The following PRKN variants were observed in gnomAD, a reference collection of about 807,000 sequenced individuals.
PRKN encodes the protein parkin RBR E3 ubiquitin protein ligase.
In PRKN, 56 loss-of-function variants were observed where a neutral mutation model predicts 59.5. The ratio of observed to expected loss-of-function variants is 0.94; its 90% CI spans 0.76 to 1.18. The LOEUF (loss-of-function observed/expected upper bound fraction) is 1.18. Among genes scored for constraint, PRKN ranks in the 50% most tolerant of loss-of-function variants. The pLI is 0.00. For synonymous variants in PRKN, 250 were observed against 222.1 expected (o/e 1.13, Z -1.12); for missense variants, 657 against 596.4 (o/e 1.10, Z -1.06).
intron 7 of PRKN, among the ~76,000 whole-genome samples, chr6:161,631,191 T>C (rs1481443502): frequency 6.6e-6 from 1 of 152,242 alleles, no homozygotes; most frequent in Non-Finnish European, 1.5e-5. Context: ...ATGCATGAGC[T>C]AGTGCTTACT....
chr6:162,683,023 C>T (rs542904721), intron 1 of PRKN, among the ~76,000 whole-genome samples: 2 of 152,170 alleles, frequency 1.3e-5, no homozygotes, highest in East Asian at 1.9e-4. Flanking sequence ...ATTGGAGCAA[C>T]GACATTACAA....
At chr6:162,536,603 C>A (rs918877319) in intron 1 of PRKN, among the ~76,000 whole-genome samples, 1 of 42,524 alleles carries the variant, frequency 2.4e-5, no homozygotes, top group East Asian at 2.1e-4. Flanking sequence ...CCTCTCATTG[C>A]CATCGATGCT....
intron 6 of PRKN, among the ~76,000 whole-genome samples, chr6:161,855,226 G>A (rs1793604581): frequency 6.6e-6 from 1 of 152,150 alleles, no homozygotes; most frequent in Non-Finnish European, 1.5e-5. Flanking sequence ...GATGATCAGG[G>A]TGGGGTTTTG....
chr6:162,700,082 C>T (rs1399451180), intron 1 of PRKN, among the ~76,000 whole-genome samples: 3 of 152,148 alleles, frequency 2.0e-5, no homozygotes, highest in African/African-American at 7.2e-5. Context: ...GTACACCCCA[C>T]AAAATTGCCT....
intron 7 of PRKN, among the ~76,000 whole-genome samples, chr6:161,601,585 AT>A (rs200244232): frequency 0.019 from 2,657 of 140,666 alleles, 43 homozygotes; most frequent in East Asian, 0.081. Context: ...AATATAGTGG[AT>A]TTTTTTTTTT....
intron 1 of PRKN, among the ~76,000 whole-genome samples, chr6:162,594,676 TGTTA>T (rs71793456): frequency 0.055 from 8,434 of 152,282 alleles, 340 homozygotes; most frequent in East Asian, 0.23. Context: ...CCAAGTTCAC[TGTTA>T]GTTACAGAAT....
intron 7 of PRKN, among the ~76,000 whole-genome samples, chr6:161,780,573 A>C (rs2128205622): frequency 6.6e-6 from 1 of 152,338 alleles, no homozygotes; most frequent in African/African-American, 2.4e-5. Flanking sequence ...CATTTTAATT[A>C]AATTAACCCT....
intron 2 of PRKN, among the ~76,000 whole-genome samples, chr6:162,358,359 A>G (rs1230869927): frequency 6.6e-6 from 1 of 152,208 alleles, no homozygotes; most frequent in Non-Finnish European, 1.5e-5. Flanking sequence ...CAATCAAAAT[A>G]TTTCCACAAT....
intron 9 of PRKN, among the ~76,000 whole-genome samples, chr6:161,509,200 CTTTT>C (rs10578350): frequency 6.7e-6 from 1 of 149,540 alleles, no homozygotes; most frequent in Non-Finnish European, 1.5e-5. Flanking sequence ...AAAGACTTTT[CTTTT>C]TTTTTTTTTT....
At chr6:161,713,899 G>A (rs1786857801) in intron 7 of PRKN, among the ~76,000 whole-genome samples, 1 of 152,094 alleles carries the variant, frequency 6.6e-6, no homozygotes, top group African/African-American at 2.4e-5. Flanking sequence ...CATGAGATCT[G>A]ATGGTTCTAT....
intron 5 of PRKN, among the ~76,000 whole-genome samples, chr6:162,049,443 T>C (rs912649522): frequency 7.9e-5 from 12 of 152,164 alleles, no homozygotes; most frequent in African/African-American, 2.2e-4. Flanking sequence ...ACTGAACACT[T>C]AACTTGAGCT....
In PRKN at chr6:161,369,829, C is replaced by T. The variant is rs963158396; in HGVS notation, c.1168-9624G>A. ...TCATATGATTATAGGAAATATATTT[C>T]ATATACATATAGAGAGAGACAGAGA... is the stretch of plus-strand genomic sequence containing the variant. On this transcript the variant is annotated intron_variant, in intron 10 of 11. Coordinates refer to ENST00000366898, the MANE Select transcript of PRKN (RefSeq NM_004562.3). This position sits in a 1 kb window ranked among gnomAD's most constrained non-coding sequence, Gnocchi z 5.8. 1.5e-5 allele frequency: 3 copies of T among 204,988 alleles called. No homozygotes were observed. The highest frequency in any genetic ancestry group is 2.2e-5 in the African/African-American group (1 of 44,716). 12.7% of individuals were successfully genotyped at this position (204,988 alleles called of 1,614,324 possible).
chr6:162,050,993 C>T (rs2187198), intron 5 of PRKN, among the ~76,000 whole-genome samples: 73,125 of 151,620 alleles, frequency 0.48, 18,250 homozygotes, highest in Middle Eastern at 0.55. Flanking sequence ...AGAAAATTCA[C>T]GAGGCAAGTC....
intron 2 of PRKN, among the ~76,000 whole-genome samples, chr6:162,349,109 T>C (rs1021207040): frequency 4.6e-5 from 7 of 152,198 alleles, no homozygotes. Flanking sequence ...AACCTTTCAG[T>C]GAATTCTAGC....
chr6:162,169,564 C>T (rs1407058365), intron 4 of PRKN, among the ~76,000 whole-genome samples: 1 of 152,160 alleles, frequency 6.6e-6, no homozygotes, highest in African/African-American at 2.4e-5. Flanking sequence ...ACCTCATAGA[C>T]AAGTTTTAGC....
rs985614051 is a variant in PRKN, at chr6:161,526,682, C to T, written c.1083+22172G>A. On this transcript the variant is annotated intron_variant, in intron 9 of 11. Transcript: ENST00000366898. The surrounding 1 kb of genome is among the most constrained non-coding windows in gnomAD (Gnocchi z 4.1). ...ATAATTTTACATTTACTCATCCATT[C>T]ATTTGCAAATGTTTGCTAAGCACTG... Among the ~76,000 whole-genome samples the T allele has an allele frequency of 2.0e-5, 3 of 152,054 alleles. No homozygotes were observed. The highest frequency in any genetic ancestry group is 7.2e-5 in the African/African-American group (3 of 41,442).
chr6:161,424,259 C>T (rs1362451374), intron 9 of PRKN, among the ~76,000 whole-genome samples: 2 of 150,108 alleles, frequency 1.3e-5, no homozygotes, highest in African/African-American at 2.4e-5. Context: ...ATCACTTGAA[C>T]CCAGGAGACA....
intron 6 of PRKN, 40 bp downstream of exon 6, chr6:161,973,262 A>G: frequency 7.8e-7 from 1 of 1,281,702 alleles, no homozygotes. Context: ...TCCTTACCTC[A>G]CGTCCGTGGA....
At chr6:162,598,777 G>A (rs776040334) in intron 1 of PRKN, among the ~76,000 whole-genome samples, 3 of 150,100 alleles carry the variant, frequency 2.0e-5, no homozygotes, top group East Asian at 2.0e-4. Flanking sequence ...TGCTTGACCC[G>A]TGGAGACGGA....
Sources: allele counts gnomAD v4.1 joint callset (sites outside exome capture counted in the v4.1 genomes callset), GRCh38; gene constraint gnomAD v4.1.1; non-coding constraint Gnocchi (gnomAD v3.1); transcripts MANE v1.5; gene names NCBI Gene and HGNC (gene_info 2026-07-23, HGNC 2026-07-21).